Variants in CFAP161 observed in about 807,000 individuals in gnomAD.
CFAP161 encodes the protein cilia and flagella associated protein 161, also known as cilia- and flagella-associated protein 161.
In CFAP161, 25 loss-of-function variants were observed where a neutral mutation model predicts 29.0. The observed-to-expected ratio is 0.86, with a 90% confidence interval of 0.63 to 1.20. The LOEUF (loss-of-function observed/expected upper bound fraction) is 1.20. Ranked by LOEUF, CFAP161 falls within the 50% of genes most tolerant of loss-of-function variation. CFAP161 has a pLI of 0.00. For missense variants in CFAP161, 367 were observed against 371.9 expected (o/e 0.99, Z 0.11); for synonymous variants, 116 against 137.4 (o/e 0.84, Z 1.09).
rs774662801 is a variant in CFAP161 at position 81,106,349 on chromosome 15, C to T, written c.-141-21241C>T. Among the ~76,000 whole-genome samples the T allele has an allele frequency of 2.0e-5, 3 of 152,194 alleles. No homozygotes were observed. The South Asian group carries it at 6.2e-4, about 32-fold the overall frequency. Reference sequence around the variant, plus strand: ...AGACAATAATTTAATAGGCTTCCGACATCAGACTGACGGGGTTTCACCGTG... The same window carrying T: ...AGACAATAATTTAATAGGCTTCCGATATCAGACTGACGGGGTTTCACCGTG... On this transcript the variant is annotated intron_variant, in intron 1 of 4. Coordinates refer to the CFAP161 transcript ENST00000560091.
At chr15:81,136,920 A>G (rs1286014911) in intron 3 of CFAP161, among the ~76,000 whole-genome samples, 172 bp downstream of exon 3, 1 of 152,168 alleles carries the variant, frequency 6.6e-6, no homozygotes, top group African/African-American at 2.4e-5. Flanking sequence ...GAACTTTACA[A>G]TCCCTTTTTA....
At chr15:81,111,264 C>A (rs1027404384) in intron 1 of CFAP161, among the ~76,000 whole-genome samples, 2 of 152,240 alleles carry the variant, frequency 1.3e-5, no homozygotes, top group Admixed American at 6.5e-5. Context: ...CCACTGCATC[C>A]AGAAGGCTGA....
At chr15:81,142,724 A>G (rs543422685) in intron 4 of CFAP161, among the ~76,000 whole-genome samples, 1 of 152,318 alleles carries the variant, frequency 6.6e-6, no homozygotes, top group East Asian at 1.9e-4. Flanking sequence ...AAAGGTGCTT[A>G]TTGGAAACCT....
At chr15:81,117,803 C>A in intron 1 of CFAP161, 1 of 316,018 alleles carries the variant, frequency 3.2e-6, no homozygotes, top group South Asian at 3.6e-5. Flanking sequence ...TCTACATCTT[C>A]GTCTTCATCT....
rs1352129963 is a variant in CFAP161 at position 81,121,551 on chromosome 15, T to TTATA, written c.-141-6029_-141-6026dup. 2.9e-4 allele frequency among the ~76,000 whole-genome samples: 44 copies of TTATA among 151,456 alleles called. No homozygotes were observed. In the East Asian group the frequency reaches 8.1e-3, roughly 28 times the overall value. ...TTTTTGGTATATTTTAAATACAAAG[T>TTATA]TATATATATATATTAATTAGAATGT... On this transcript the variant is annotated intron_variant, in intron 1 of 4. Coordinates refer to the CFAP161 transcript ENST00000560091.
Position 81,148,492 on chromosome 15 carries a change from A to C in CFAP161, c.865A>C (p.Thr289Pro). 6.2e-7 allele frequency: 1 copy of C among 1,614,138 alleles called. No individual in the cohort carries two copies. Among genetic ancestry groups the C allele is most frequent in the African/African-American group, 1.3e-5 (1 of 75,054 alleles). The change falls in exon 7 of 7, where the codon ACT (threonine) becomes CCT (proline). Residue 289 changes from threonine to proline, a missense_variant. Thr to Pro is a conservative substitution (Grantham distance 38). Coordinates refer to ENST00000286732, the MANE Select transcript of CFAP161 (RefSeq NM_173528.4). ...TCTGCCCAAACCACCCACAGAGGACACTCGAGCCATGGAGCAGGCCATGGG... is the reference window on the plus strand; with the variant it reads ...TCTGCCCAAACCACCCACAGAGGACCCTCGAGCCATGGAGCAGGCCATGGG... Reference protein sequence around the residue: ...LDLPKPPTEDTRAMEQAMGLD... With the variant: ...LDLPKPPTEDPRAMEQAMGLD...
intron 1 of CFAP161, chr15:81,118,266 G>A (rs573804026): frequency 7.7e-6 from 4 of 516,450 alleles, no homozygotes; most frequent in South Asian, 5.4e-5. Flanking sequence ...GGAACTCTAA[G>A]TTCACAAATT....
chr15:81,148,394 G>A lies in CFAP161; in HGVS notation c.767G>A (p.Arg256Lys). Residue 256 changes from arginine to lysine, a missense_variant, in exon 7 of 7, where the codon AGA (arginine) becomes AAA (lysine). Physicochemically the swap from Arg to Lys is conservative, Grantham distance 26. Coordinates refer to ENST00000286732, the MANE Select transcript of CFAP161 (RefSeq NM_173528.4). ...VVAHTYLDSH[R>K]VEKPRNHWML... ...GCTCACACATACCTGGATTCACATA[G>A]AGTTGAGAAACCAAGGAACCACTGG... 1 of 1,614,172 alleles carries A rather than the reference G, an allele frequency of 6.2e-7. No homozygotes were observed. Among genetic ancestry groups the A allele is most frequent in the Non-Finnish European group, 8.5e-7 (1 of 1,180,036 alleles).
intron 4 of CFAP161, among the ~76,000 whole-genome samples, chr15:81,143,122 G>A (rs1049085478): frequency 6.6e-6 from 1 of 152,078 alleles, no homozygotes; most frequent in African/African-American, 2.4e-5. Context: ...AGACCAGCTT[G>A]GGAAACAGTG....
At chr15:81,143,151 A>C (rs1282496165) in intron 4 of CFAP161, among the ~76,000 whole-genome samples, 3 of 151,962 alleles carry the variant, frequency 2.0e-5, no homozygotes, top group South Asian at 4.2e-4. Flanking sequence ...GCTCTACAAC[A>C]AATAAAAAAA....
chr15:81,120,680 AC>A (rs1475005096), intron 1 of CFAP161, among the ~76,000 whole-genome samples: 1 of 152,192 alleles, frequency 6.6e-6, no homozygotes, highest in Non-Finnish European at 1.5e-5. Flanking sequence ...AAAAAGATAC[AC>A]CTTTTCAAGG....
chr15:81,107,464 G>A (rs979892086), intron 1 of CFAP161, among the ~76,000 whole-genome samples: 3 of 152,342 alleles, frequency 2.0e-5, no homozygotes, highest in Middle Eastern at 3.4e-3. Flanking sequence ...AGTGGCTCAT[G>A]CCTGTAATCC....
intron 1 of CFAP161, among the ~76,000 whole-genome samples, chr15:81,113,660 G>A (rs1246683646): frequency 6.6e-6 from 1 of 152,214 alleles, no homozygotes; most frequent in South Asian, 2.1e-4. Context: ...CATAGGGTAA[G>A]GAGTGAGGAA....
At chr15:81,103,058 G>A (rs920792065) in intron 1 of CFAP161, among the ~76,000 whole-genome samples, 3 of 130,226 alleles carry the variant, frequency 2.3e-5, no homozygotes, top group South Asian at 5.1e-4. Context: ...AGAGAAGACC[G>A]AGGAAGCACA....
upstream of CFAP161, among the ~76,000 whole-genome samples, chr15:81,130,178 T>C (rs1298709678): frequency 6.6e-6 from 1 of 152,230 alleles, no homozygotes; most frequent in East Asian, 1.9e-4. Flanking sequence ...CTCAAGGGAA[T>C]GTGGTGGCTC....
chr15:81,133,198 TATATATATATATATATATATATATATG>T (rs1363773160), upstream of CFAP161, among the ~76,000 whole-genome samples: 1 of 55,542 alleles, frequency 1.8e-5, no homozygotes, highest in Admixed American at 1.8e-4. Context: ...TATATATATA[TATATATATATATATATATATATATATG>T]TATTTTTTTT....
At chr15:81,135,223 C>A in intron 1 of CFAP161, 47 bp from the exon 2 acceptor site, 1 of 1,321,778 alleles carries the variant, frequency 7.6e-7, no homozygotes. Flanking sequence ...GTTATTAATA[C>A]TAACATCTAT....
intron 2 of CFAP161, among the ~76,000 whole-genome samples, chr15:81,136,287 T>G (rs1231773651): frequency 1.3e-5 from 2 of 152,216 alleles, no homozygotes; most frequent in African/African-American, 4.8e-5. Flanking sequence ...TCTAGGATAA[T>G]GAGTAAATCC....
At chr15:81,138,236 T>C in intron 4 of CFAP161, 101 bp downstream of exon 4, 2 of 951,280 alleles carry the variant, frequency 2.1e-6, no homozygotes, top group Non-Finnish European at 3.3e-6. Flanking sequence ...TCCAGAGTCA[T>C]GGGCTCCACC....
Sources: gnomAD v4.1 joint callset for allele counts (sites outside exome capture counted in the v4.1 genomes callset) on GRCh38, gnomAD v4.1.1 for gene constraint, MANE v1.5 for transcripts, NCBI Gene and HGNC (gene_info 2026-07-23, HGNC 2026-07-21) for gene names.